The following CDKN2A variants were observed in gnomAD, a reference collection of about 807,000 sequenced individuals.
CDKN2A encodes the protein cyclin-dependent kinase inhibitor 2A.
A neutral mutation model predicts 11.1 loss-of-function variants in CDKN2A; 3 were observed. That is an observed-to-expected ratio of 0.27 (90% CI 0.12 to 0.70). The LOEUF (loss-of-function observed/expected upper bound fraction) is 0.70, where lower values mean the gene tolerates loss of function less well. CDKN2A is among the 30% of genes least tolerant of loss of function. The probability of loss-of-function intolerance (pLI) is 0.77; values close to 1 mark genes in which losing one functional copy is unlikely to be tolerated. For missense variants in CDKN2A, 265 were observed against 233.6 expected (o/e 1.13, Z -0.88); for synonymous variants, 122 against 108.1 (o/e 1.13, Z -0.80).
chr9:21,987,340 G>T (rs1820322556), intron 2 of CDKN2A, among the ~76,000 whole-genome samples: 1 of 149,960 alleles, frequency 6.7e-6, no homozygotes, highest in South Asian at 2.1e-4. Flanking sequence ...ATTTTAGGTT[G>T]TCATGTTTAT....
rs2131081942 is a variant in CDKN2A at position 21,968,721 on chromosome 9, T to C, written c.458-479A>G. Reference sequence around the variant, plus strand: ...GCGCTCCTCGGCGGAATCCCGTAGCTTCCCTACGCATGCCTGCTTCTACAA... The same window carrying C: ...GCGCTCCTCGGCGGAATCCCGTAGCCTCCCTACGCATGCCTGCTTCTACAA... On this transcript the variant is annotated intron_variant, in intron 2 of 2. Coordinates refer to ENST00000304494, the MANE Select transcript of CDKN2A (RefSeq NM_000077.5). This position sits in a 1 kb window ranked among gnomAD's most constrained non-coding sequence, Gnocchi z 4.7. 9.1e-6 allele frequency: 14 copies of C among 1,536,164 alleles called. No homozygotes were observed. Among genetic ancestry groups the C allele is most frequent in the Non-Finnish European group, 9.6e-6 (11 of 1,146,906 alleles).
intron 2 of CDKN2A, among the ~76,000 whole-genome samples, chr9:21,987,280 A>G (rs1022434551): frequency 2.0e-5 from 3 of 151,992 alleles, no homozygotes; most frequent in African/African-American, 4.8e-5. Context: ...TTAGATAAGC[A>G]TAAGTTAAAC....
rs4987127 is a variant in CDKN2A at position 21,971,086 on chromosome 9, C to T, written c.273G>A (p.Leu91=). The T allele has an allele frequency of 7.3e-5, 117 of 1,605,320 alleles. No individual in the cohort carries two copies. In the African/African-American group the frequency reaches 1.2e-3, roughly 16 times the overall value. ...PVHDAAREGF[L]DTLVVLHRAG... ...CCCGGTGCAGCACCACCAGCGTGTC[C>T]AGGAAGCCCTCCCGGGCAGCGTCGT... The change falls in exon 2 of 3, where the codon CTG becomes CTA. Residue 91 remains leucine (L), a synonymous_variant. Transcript: ENST00000304494.
Position 21,991,877 on chromosome 9 carries a change from A to C in CDKN2A, c.-4+2005T>G, listed in dbSNP as rs1387602774. 3 of 985,274 alleles carry C rather than the reference A, an allele frequency of 3.0e-6. No individual in the cohort carries two copies. The highest frequency in any genetic ancestry group is 3.6e-6 in the Non-Finnish European group (3 of 829,860). The allele number at this position is 985,274 out of a possible 1,614,324, so 61.0% of individuals were successfully genotyped here. A position where few individuals can be genotyped will look rare whatever the true frequency, so the allele number is the denominator to read the frequency against. On this transcript the variant is annotated intron_variant, in intron 2 of 3. Transcript: ENST00000494262. The surrounding 1 kb of genome is among the most constrained non-coding windows in gnomAD (Gnocchi z 5.2). ...GGGAATAATGGTTTATACTAACTGC[A>C]CAGTGCTTACCTTGAGAGGACTCTG...
chr9:21,974,775 G>T lies in CDKN2A; in HGVS notation c.53C>A (p.Thr18Lys), dbSNP rs560518923. The change falls in exon 1 of 3, where the codon ACG becomes AAG. Residue 18 changes from threonine (T) to lysine (K), a missense_variant. By Grantham distance (78) the Thr-to-Lys change is moderately conservative (BLOSUM62 -1). Coordinates refer to ENST00000304494, the MANE Select transcript of CDKN2A (RefSeq NM_000077.5). The surrounding 1 kb of genome is among the most constrained non-coding windows in gnomAD (Gnocchi z 5.2). ...CTCTACCCGACCCCGGGCCGCGGCC[G>T]TGGCCAGCCAGTCAGCCGAAGGCTC... is the stretch of plus-strand genomic sequence containing the variant. Reference protein sequence around the residue: ...SMEPSADWLATAAARGRVEEV... With the variant: ...SMEPSADWLAKAAARGRVEEV... 1 of 1,606,662 alleles carries T rather than the reference G, an allele frequency of 6.2e-7. No individual in the cohort carries two copies. Among genetic ancestry groups the T allele is most frequent in the African/African-American group, 1.3e-5 (1 of 74,926 alleles).
At position 21,994,276 on chromosome 9, in the gene CDKN2A, C is replaced by T. The variant is rs748616717; in HGVS notation, c.-175-223G>A. The T allele has an allele frequency of 3.7e-6, 6 of 1,603,876 alleles. No homozygotes were observed. Among genetic ancestry groups the T allele is most frequent in the Admixed American group, 1.7e-5 (1 of 59,664 alleles). On this transcript the variant is annotated intron_variant, in intron 1 of 3. Coordinates refer to the CDKN2A transcript ENST00000494262. Reference sequence around the variant, plus strand: ...GATGTGAACCACGAAAACCCTCACTCGCGGCGGGCCGCACGCGCGCCGAAT... The same window carrying T: ...GATGTGAACCACGAAAACCCTCACTTGCGGCGGGCCGCACGCGCGCCGAAT...
chr9:21,968,939 C>A lies in CDKN2A; in HGVS notation c.458-697G>T, dbSNP rs1206697165. 6.6e-6 allele frequency among the ~76,000 whole-genome samples: 1 copy of A among 152,276 alleles called. No individual in the cohort carries two copies. Among genetic ancestry groups the A allele is most frequent in the East Asian group, 1.9e-4 (1 of 5,184 alleles). ...TGAGGGAGCATTTGCACTTGAAAGT[C>A]TCTTTTTACGTTTATTCCTGAGGCA... On this transcript the variant is annotated intron_variant, in intron 2 of 2. Transcript: ENST00000304494. This position sits in a 1 kb window ranked among gnomAD's most constrained non-coding sequence, Gnocchi z 4.7.
upstream of CDKN2A, among the ~76,000 whole-genome samples, chr9:21,976,711 T>G (rs1013379977): frequency 1.3e-5 from 2 of 151,870 alleles, no homozygotes; most frequent in South Asian, 4.2e-4. Context: ...AGAGCGAAAC[T>G]TGGTCTCAAG....
intron 2 of CDKN2A, chr9:21,970,471 T>G: frequency 2.5e-6 from 1 of 397,754 alleles, no homozygotes; most frequent in Admixed American, 4.2e-5. Context: ...CACGCACAAT[T>G]GGGTTTGGAA....
chr9:21,986,549 C>T (rs982664468), intron 2 of CDKN2A, among the ~76,000 whole-genome samples: 2 of 151,914 alleles, frequency 1.3e-5, no homozygotes, highest in Non-Finnish European at 2.9e-5. Context: ...AATTACTAGT[C>T]AATGACTTTT....
At chr9:21,970,208 G>A (rs991976964) in intron 2 of CDKN2A, 21 of 239,604 alleles carry the variant, frequency 8.8e-5, no homozygotes, top group Non-Finnish European at 1.6e-4. Context: ...AAAAAGGAAA[G>A]GCAAGGGCAA....
At chr9:21,985,160 G>T (rs1429657931) in intron 2 of CDKN2A, among the ~76,000 whole-genome samples, 2 of 151,878 alleles carry the variant, frequency 1.3e-5, no homozygotes, top group East Asian at 1.9e-4. Flanking sequence ...TTTATCTTTT[G>T]TGTTGTTACG....
chr9:21,968,139 G>A lies in CDKN2A; in HGVS notation c.*90C>T, dbSNP rs2131078731. 9.2e-7 allele frequency: 1 copy of A among 1,084,418 alleles called. No homozygotes were observed. Among genetic ancestry groups the A allele is most frequent in the Non-Finnish European group, 1.4e-6 (1 of 696,374 alleles). 67.2% of individuals were successfully genotyped at this position (1,084,418 alleles called of 1,614,324 possible). ...AAATGAAAACTACGAAAGCGGGGTG[G>A]GTTGTGGCGGGGGCAGTTGTGGCCC... On this transcript the variant is annotated 3_prime_UTR_variant, in exon 3 of 3. Transcript: ENST00000304494. This position sits in a 1 kb window ranked among gnomAD's most constrained non-coding sequence, Gnocchi z 4.7.
In CDKN2A at chr9:21,974,771, G is replaced by A. The variant is rs1060504186; in HGVS notation, c.57C>T (p.Ala19=). ...CCTCCTCTACCCGACCCCGGGCCGC[G>A]GCCGTGGCCAGCCAGTCAGCCGAAG... The part of the protein sequence containing the change: ...MEPSADWLAT[A]AARGRVEEVR... Residue 19 remains alanine (A), a synonymous_variant, in exon 1 of 3, where the codon GCC becomes GCT. Transcript: ENST00000304494. This position sits in a 1 kb window ranked among gnomAD's most constrained non-coding sequence, Gnocchi z 5.2. The A allele has an allele frequency of 5.6e-6, 9 of 1,607,400 alleles. No individual in the cohort carries two copies. The highest frequency in any genetic ancestry group is 7.6e-6 in the Non-Finnish European group (9 of 1,179,040).
Position 21,991,543 on chromosome 9 carries a change from T to C in CDKN2A, c.-4+2339A>G, listed in dbSNP as rs1820430015. 1.9e-6 allele frequency: 1 copy of C among 521,654 alleles called. No homozygotes were observed. The highest frequency in any genetic ancestry group is 2.5e-6 in the Non-Finnish European group (1 of 406,552). 32.3% of individuals were successfully genotyped at this position (521,654 alleles called of 1,614,324 possible). Reference sequence around the variant, plus strand: ...AAGTGTAAAAGCACTGGGCCCACTGTTGAACCTTGCTATAAAAAAGTATTT... The same window carrying C: ...AAGTGTAAAAGCACTGGGCCCACTGCTGAACCTTGCTATAAAAAAGTATTT... On this transcript the variant is annotated intron_variant, in intron 2 of 3. Transcript: ENST00000494262. The surrounding 1 kb of genome is among the most constrained non-coding windows in gnomAD (Gnocchi z 5.2).
At chr9:21,983,069 G>A (rs1423230931) in intron 2 of CDKN2A, among the ~76,000 whole-genome samples, 3 of 151,960 alleles carry the variant, frequency 2.0e-5, no homozygotes, top group Admixed American at 2.0e-4. Context: ...TGCAAAACCT[G>A]GGCCAAGATT....
intron 2 of CDKN2A, among the ~76,000 whole-genome samples, chr9:21,987,444 G>C (rs200984062): frequency 0.72 from 90,368 of 125,732 alleles, 31,897 homozygotes; most frequent in South Asian, 0.8. Context: ...GAGAGAGAGA[G>C]AGAGAGAGAG....
chr9:21,979,390 G>C (rs1820122271), upstream of CDKN2A, among the ~76,000 whole-genome samples: 1 of 152,198 alleles, frequency 6.6e-6, no homozygotes, highest in Admixed American at 6.5e-5. Context: ...GAGGAGACCT[G>C]AGCACACATA....
intron 2 of CDKN2A, among the ~76,000 whole-genome samples, chr9:21,970,024 C>T (rs1269923009): frequency 6.6e-6 from 1 of 152,030 alleles, no homozygotes; most frequent in Non-Finnish European, 1.5e-5. Context: ...CATGTTTTAC[C>T]TTAAATATTC....
Sources: allele counts gnomAD v4.1 joint callset (sites outside exome capture counted in the v4.1 genomes callset), GRCh38; gene constraint gnomAD v4.1.1; non-coding constraint Gnocchi (gnomAD v3.1); transcripts MANE v1.5; gene names NCBI Gene and HGNC (gene_info 2026-07-23, HGNC 2026-07-21).